ADAMTS6: variants seen among roughly 807,000 people sequenced by gnomAD.
ADAMTS6 encodes the protein A disintegrin and metalloproteinase with thrombospondin motifs 6.
In ADAMTS6, 23 loss-of-function variants were observed where a neutral mutation model predicts 144.3. The ratio of observed to expected loss-of-function variants is 0.16; its 90% CI spans 0.11 to 0.23. The LOEUF (loss-of-function observed/expected upper bound fraction) is 0.23, where lower values mean the gene tolerates loss of function less well. Ranked by LOEUF, ADAMTS6 falls within the 10% of genes least tolerant of loss-of-function variation. The pLI is 1.00. For synonymous variants in ADAMTS6, 444 were observed against 457.5 expected, an observed-to-expected ratio of 0.97 and a Z score of 0.38; for missense variants, 999 against 1,379.6, an observed-to-expected ratio of 0.72 and a Z score of 4.37.
chr5:65,466,174 C>A (rs1191214469), intron 3 of ADAMTS6, among the ~76,000 whole-genome samples: 1 of 152,132 alleles, frequency 6.6e-6, no homozygotes, highest in Non-Finnish European at 1.5e-5. Flanking sequence ...AGGCCTCGAA[C>A]TTGTAGTTAT....
In ADAMTS6 at chr5:65,188,127, A is replaced by C; in HGVS notation, c.2799T>G (p.Ser933=). ...AVLCIRKIGP[S]EEETLDYSGC... ...CACTGTAGTCCAGCGTCTCCTCCTC[A>C]GAAGGTCCGATCTTCCTGATGCAGA... is the stretch of plus-strand genomic sequence containing the variant. The change falls in exon 22 of 25, where the codon TCT becomes TCG. Residue 933 remains serine (S), a synonymous_variant. Coordinates refer to ENST00000381055, the MANE Select transcript of ADAMTS6 (RefSeq NM_197941.4). 6.2e-7 allele frequency: 1 copy of C among 1,614,144 alleles called. No individual in the cohort carries two copies. Among genetic ancestry groups the C allele is most frequent in the Non-Finnish European group, 8.5e-7 (1 of 1,180,006 alleles).
chr5:65,404,433 A>G (rs1400364227), intron 7 of ADAMTS6, among the ~76,000 whole-genome samples: 1 of 152,034 alleles, frequency 6.6e-6, no homozygotes, highest in Non-Finnish European at 1.5e-5. Context: ...GCTGAGAATG[A>G]TGGTTTCCAG....
intron 9 of ADAMTS6, 60 bp downstream of exon 9, chr5:65,329,318 T>G: frequency 6.7e-7 from 1 of 1,486,330 alleles, no homozygotes. Flanking sequence ...CATACAGTAG[T>G]TACAAGTTGC....
chr5:65,446,874 TTGA>T lies in ADAMTS6; in HGVS notation c.1073+4598_1073+4600del, dbSNP rs777610276. ...TGGGAGTGATGGAATGTTCTAAAAATTGATGATAATGATGATTGCACAACTCTG... is the reference window on the plus strand; with the variant it reads ...TGGGAGTGATGGAATGTTCTAAAAATTGATAATGATGATTGCACAACTCTG... On this transcript the variant is annotated intron_variant, in intron 7 of 24. Coordinates refer to ENST00000381055, the MANE Select transcript of ADAMTS6 (RefSeq NM_197941.4). Among the ~76,000 whole-genome samples the T allele has an allele frequency of 1.2e-4, 19 of 152,202 alleles. No homozygotes were observed. The East Asian group carries it at 3.5e-3, about 28-fold the overall frequency.
At chr5:65,377,198 C>T (rs1385665197) in intron 7 of ADAMTS6, among the ~76,000 whole-genome samples, 1 of 152,042 alleles carries the variant, frequency 6.6e-6, no homozygotes, top group Non-Finnish European at 1.5e-5. Flanking sequence ...CAAGTACTTC[C>T]TTCTCTCTCC....
chr5:65,226,067 G>A lies in ADAMTS6; in HGVS notation c.2067+19C>T. ...AAAGTCTCAAAAACCCCAACAGAAA[G>A]GAGTAAAATCTGAGCAACCTTGCAT... On this transcript the variant is annotated intron_variant, in intron 16 of 24. Coordinates refer to ENST00000381055, the MANE Select transcript of ADAMTS6 (RefSeq NM_197941.4). 1 of 1,588,338 alleles carries A rather than the reference G, an allele frequency of 6.3e-7. No individual in the cohort carries two copies. The highest frequency in any genetic ancestry group is 1.2e-5 in the South Asian group (1 of 85,774).
At chr5:65,446,776 G>A (rs148273019) in intron 7 of ADAMTS6, among the ~76,000 whole-genome samples, 20 of 152,274 alleles carry the variant, frequency 1.3e-4, no homozygotes, top group East Asian at 1.2e-3. Context: ...ACAGAAAGTA[G>A]ATTAGCAGTT....
At chr5:65,194,505 T>A (rs1341895883) in intron 21 of ADAMTS6, among the ~76,000 whole-genome samples, 1 of 152,208 alleles carries the variant, frequency 6.6e-6, no homozygotes, top group African/African-American at 2.4e-5. Flanking sequence ...GTGAAGTAAA[T>A]GCATTTCAAC....
intron 14 of ADAMTS6, among the ~76,000 whole-genome samples, chr5:65,245,168 G>T (rs535709345): frequency 6.6e-6 from 1 of 152,240 alleles, no homozygotes; most frequent in South Asian, 2.1e-4. Context: ...AGCTACGCAG[G>T]TGTCCTTACA....
intron 4 of ADAMTS6, among the ~76,000 whole-genome samples, chr5:65,458,488 T>C (rs1303910772): frequency 6.6e-6 from 1 of 152,214 alleles, no homozygotes; most frequent in Non-Finnish European, 1.5e-5. Flanking sequence ...CTGTGCTCAC[T>C]GCAACCTCCA....
At chr5:65,187,928 G>A (rs1579996072) in intron 22 of ADAMTS6, 88 bp downstream of exon 22, 18 of 1,315,868 alleles carry the variant, frequency 1.4e-5, no homozygotes, top group African/African-American at 1.3e-4. Flanking sequence ...TGAGTTCTAA[G>A]ATGTTCAGGT....
chr5:65,325,139 G>A (rs975051086), intron 9 of ADAMTS6, among the ~76,000 whole-genome samples: 1 of 152,140 alleles, frequency 6.6e-6, no homozygotes, highest in Non-Finnish European at 1.5e-5. Flanking sequence ...TGGGGATGGA[G>A]GAGTGGGGAG....
intron 13 of ADAMTS6, 45 bp downstream of exon 13, chr5:65,262,772 C>A: frequency 6.8e-7 from 1 of 1,468,028 alleles, no homozygotes. Context: ...TGAATCATTT[C>A]CAACTGTGTC....
chr5:65,433,518 A>T (rs1757153038), intron 7 of ADAMTS6, among the ~76,000 whole-genome samples: 1 of 152,220 alleles, frequency 6.6e-6, no homozygotes, highest in Non-Finnish European at 1.5e-5. Flanking sequence ...TTGGTTTTTC[A>T]TAAAGTTGTG....
At chr5:65,464,910 C>A (rs1172170799) in intron 3 of ADAMTS6, among the ~76,000 whole-genome samples, 1 of 152,186 alleles carries the variant, frequency 6.6e-6, no homozygotes, top group East Asian at 1.9e-4. Context: ...CACTGTCCTT[C>A]ACCCACCTCA....
At chr5:65,328,675 TA>T (rs199810065) in intron 9 of ADAMTS6, among the ~76,000 whole-genome samples, 6,794 of 150,564 alleles carry the variant, frequency 0.045, 288 homozygotes, top group African/African-American at 0.12. Flanking sequence ...GTTGAAATTT[TA>T]AAAAAAAAGT....
intron 14 of ADAMTS6, among the ~76,000 whole-genome samples, chr5:65,253,646 C>CA (rs1434515817): frequency 2.0e-5 from 3 of 152,062 alleles, no homozygotes. Flanking sequence ...TCACACATAA[C>CA]AGACACCTGG....
At chr5:65,470,687 TA>T in intron 3 of ADAMTS6, 90 bp downstream of exon 3, 2 of 1,054,902 alleles carry the variant, frequency 1.9e-6, no homozygotes. Flanking sequence ...CCTATATATA[TA>T]TATATTTTTT....
chr5:65,313,537 C>T (rs927706173), intron 9 of ADAMTS6, among the ~76,000 whole-genome samples: 10 of 151,760 alleles, frequency 6.6e-5, no homozygotes, highest in Non-Finnish European at 1.2e-4. Context: ...TATGAAAAGA[C>T]AATATGGAGT....
Sources: allele counts gnomAD v4.1 joint callset (sites outside exome capture counted in the v4.1 genomes callset), GRCh38; gene constraint gnomAD v4.1.1; transcripts MANE v1.5; gene names NCBI Gene and HGNC (gene_info 2026-07-23, HGNC 2026-07-21).